Variants in AREL1 observed in about 807,000 individuals in gnomAD.
AREL1 encodes apoptosis resistant E3 ubiquitin protein ligase 1, also known as apoptosis-resistant E3 ubiquitin protein ligase 1.
A neutral mutation model predicts 99.0 loss-of-function variants in AREL1; 62 were observed. The ratio of observed to expected loss-of-function variants is 0.63; its 90% CI spans 0.51 to 0.77. AREL1 has a LOEUF of 0.77. Ranked by LOEUF, AREL1 falls within the 30% of genes least tolerant of loss-of-function variation. The pLI, the probability that AREL1 is intolerant of heterozygous loss-of-function variation, is 0.00. For missense variants in AREL1, 879 were observed against 1,027.6 expected, an observed-to-expected ratio of 0.86 and a Z score of 1.98; for synonymous variants, 380 against 376.5, an observed-to-expected ratio of 1.01 and a Z score of -0.11.
In AREL1 at chr14:74,664,022, G is replaced by C; in HGVS notation, c.2246C>G (p.Ala749Gly). 6.2e-7 allele frequency: 1 copy of C among 1,614,166 alleles called. No individual in the cohort carries two copies. Among genetic ancestry groups the C allele is most frequent in the Non-Finnish European group, 8.5e-7 (1 of 1,180,026 alleles). Reference sequence around the variant, plus strand: ...GCCTGTTGTGAACTGAAGTAGCCGAGCCAACTCCTCCTGGGTCAGACTGGA... The same window carrying C: ...GCCTGTTGTGAACTGAAGTAGCCGACCCAACTCCTCCTGGGTCAGACTGGA... ...VVSSLTQEEL[A>G]RLLQFTTGSS... The change falls in exon 19 of 20, where the codon GCT (alanine) becomes GGT (glycine). Residue 749 changes from alanine to glycine, a missense_variant. Physicochemically the swap from Ala to Gly is moderately conservative, Grantham distance 60. Coordinates refer to ENST00000356357, the MANE Select transcript of AREL1 (RefSeq NM_001039479.2).
intron 18 of AREL1, among the ~76,000 whole-genome samples, chr14:74,664,304 C>T (rs182052265): frequency 2.0e-4 from 31 of 152,292 alleles, no homozygotes; most frequent in Middle Eastern, 3.4e-3. Flanking sequence ...ATTTACTACT[C>T]CTGTGGCAGT....
chr14:74,682,981 A>C (rs530031581), intron 5 of AREL1, among the ~76,000 whole-genome samples: 1 of 152,334 alleles, frequency 6.6e-6, no homozygotes, highest in African/African-American at 2.4e-5. Context: ...TCTTTACAGC[A>C]AGACAAAAGC....
rs746267641 is a variant in AREL1, at chr14:74,684,618, C to T, written c.79G>A (p.Ala27Thr). 13 of 1,614,174 alleles carry T rather than the reference C, an allele frequency of 8.1e-6. No homozygotes were observed. The highest frequency in any genetic ancestry group is 2.2e-5 in the East Asian group (1 of 44,886). ...FTIKFLFELA[A>T]RVVSFLQNED... ...TTCTGGAGGAAGCTGACTACACGTG[C>T]GGCAAGCTCAAAGAGGAACTTAATT... The change falls in exon 4 of 20, where the codon GCA becomes ACA. Residue 27 changes from alanine (A) to threonine (T), a missense_variant. By Grantham distance (58) the Ala-to-Thr change is moderately conservative (BLOSUM62 0). Transcript: ENST00000356357.
intron 1 of AREL1, chr14:74,712,005 T>A (rs1341312498): frequency 8.1e-6 from 1 of 123,866 alleles, no homozygotes; most frequent in East Asian, 2.5e-4. Context: ...CGTTCCCAGC[T>A]TGATCAGTAG....
chr14:74,700,749 C>T (rs1253329122), intron 1 of AREL1, among the ~76,000 whole-genome samples: 1 of 152,192 alleles, frequency 6.6e-6, no homozygotes, highest in Non-Finnish European at 1.5e-5. Flanking sequence ...TACTGCACTC[C>T]AGTCTGGGCG....
chr14:74,669,529 G>A, intron 15 of AREL1, 120 bp downstream of exon 15: 1 of 1,265,568 alleles, frequency 7.9e-7, no homozygotes, highest in Non-Finnish European at 1.1e-6. Flanking sequence ...CACATTTTGG[G>A]TGTTTAATAG....
In AREL1 at chr14:74,675,903, G is replaced by A. The variant is rs35864766; in HGVS notation, c.876C>T (p.Gly292=). 0.017 allele frequency: 27,958 copies of A among 1,612,316 alleles called. 321 individuals carry two copies. The highest frequency in any genetic ancestry group is 0.052 in the Middle Eastern group (317 of 6,052). ...GATAAGCCTCAAAGTAAATGCTCACGCCTGAAGTGGACACATTGCGTTCGA... is the reference window on the plus strand; with the variant it reads ...GATAAGCCTCAAAGTAAATGCTCACACCTGAAGTGGACACATTGCGTTCGA... ...NIVERNVSTS[G]VSIYFEAYLY... The change falls in exon 8 of 20, where the codon GGC becomes GGT. Residue 292 remains glycine, a synonymous_variant. Coordinates refer to ENST00000356357, the MANE Select transcript of AREL1 (RefSeq NM_001039479.2).
chr14:74,692,179 T>C lies in AREL1; in HGVS notation c.-184A>G, dbSNP rs2089896435. On this transcript the variant is annotated 5_prime_UTR_variant, in exon 2 of 20. Coordinates refer to ENST00000356357, the MANE Select transcript of AREL1 (RefSeq NM_001039479.2). ...CCACAAGGTCAACAGAAAGGGTCTATCCATCAGACTTTGTCACAGTAATCA... is the reference window on the plus strand; with the variant it reads ...CCACAAGGTCAACAGAAAGGGTCTACCCATCAGACTTTGTCACAGTAATCA... 1 of 453,636 alleles carries C rather than the reference T, an allele frequency of 2.2e-6. No individual in the cohort carries two copies. The highest frequency in any genetic ancestry group is 1.6e-5 in the South Asian group (1 of 63,736). 28.1% of individuals were successfully genotyped at this position (453,636 alleles called of 1,614,324 possible). A position where few individuals can be genotyped will look rare whatever the true frequency, so the allele number is the denominator to read the frequency against.
intron 1 of AREL1, among the ~76,000 whole-genome samples, chr14:74,694,256 C>T (rs1566698337): frequency 6.6e-6 from 1 of 152,154 alleles, no homozygotes; most frequent in Non-Finnish European, 1.5e-5. Context: ...CAACTGGCTA[C>T]TGGAACCAGC....
At chr14:74,671,287 T>G in intron 12 of AREL1, 121 bp downstream of exon 12, 1 of 421,504 alleles carries the variant, frequency 2.4e-6, no homozygotes, top group Non-Finnish European at 4.1e-6. Context: ...ACCTAGGTTT[T>G]TTTTTTTAGG....
chr14:74,665,946 C>T (rs2089200594), intron 17 of AREL1, among the ~76,000 whole-genome samples: 1 of 152,192 alleles, frequency 6.6e-6, no homozygotes, highest in Admixed American at 6.5e-5. Context: ...CTACTTACTT[C>T]TACAAATTGT....
intron 8 of AREL1, 139 bp downstream of exon 8, chr14:74,675,560 G>T: frequency 1.6e-6 from 2 of 1,232,846 alleles, no homozygotes; most frequent in South Asian, 3.2e-5. Context: ...ATTTTTAACA[G>T]TTGAAAGTGG....
At chr14:74,708,220 T>C (rs2090220868) in intron 1 of AREL1, among the ~76,000 whole-genome samples, 1 of 152,228 alleles carries the variant, frequency 6.6e-6, no homozygotes, top group South Asian at 2.1e-4. Flanking sequence ...TTTTTATAAA[T>C]TTAAAATTAT....
intron 1 of AREL1, among the ~76,000 whole-genome samples, chr14:74,694,116 C>T (rs1205564170): frequency 1.3e-5 from 2 of 152,136 alleles, no homozygotes; most frequent in South Asian, 2.1e-4. Context: ...CAGACGTTGA[C>T]GTGAGCCGAG....
At chr14:74,694,012 AC>A in intron 1 of AREL1, among the ~76,000 whole-genome samples, 1 of 152,134 alleles carries the variant, frequency 6.6e-6, no homozygotes, top group African/African-American at 2.4e-5. Flanking sequence ...CCCCGTCTCT[AC>A]AAAAAATACA....
chr14:74,668,600 C>T (rs1271997583), intron 15 of AREL1, among the ~76,000 whole-genome samples: 3 of 152,064 alleles, frequency 2.0e-5, no homozygotes, highest in East Asian at 3.9e-4. Context: ...GTCCTATTGA[C>T]TCTAGCTGCC....
intron 1 of AREL1, among the ~76,000 whole-genome samples, chr14:74,692,698 T>TTTTTTG (rs1046697079): frequency 6.6e-5 from 10 of 152,172 alleles, no homozygotes; most frequent in African/African-American, 2.2e-4. Context: ...TAGACACAGT[T>TTTTTTG]TTTTTGTTTT....
Position 74,687,014 on chromosome 14 carries a change from C to T in AREL1, c.-45-1354G>A, listed in dbSNP as rs549601828. ...CAACAGCTATCATCTCAAAAATCTGCTACGATCTCTCAAAAAGCATCTGTC... is the reference window on the plus strand; with the variant it reads ...CAACAGCTATCATCTCAAAAATCTGTTACGATCTCTCAAAAAGCATCTGTC... On this transcript the variant is annotated intron_variant, in intron 2 of 19. Coordinates refer to ENST00000356357, the MANE Select transcript of AREL1 (RefSeq NM_001039479.2). Among the ~76,000 whole-genome samples, 3 of 152,272 alleles carry T rather than the reference C, an allele frequency of 2.0e-5. No individual in the cohort carries two copies. In the South Asian group the frequency reaches 6.2e-4, roughly 32 times the overall value.
intron 5 of AREL1, among the ~76,000 whole-genome samples, chr14:74,680,770 C>G (rs920467076): frequency 6.6e-6 from 1 of 152,174 alleles, no homozygotes; most frequent in Non-Finnish European, 1.5e-5. Context: ...TGGGTACCTA[C>G]ATGATACTCA....
Sources: allele counts gnomAD v4.1 joint callset (sites outside exome capture counted in the v4.1 genomes callset), GRCh38; gene constraint gnomAD v4.1.1; transcripts MANE v1.5; gene names NCBI Gene and HGNC (gene_info 2026-07-23, HGNC 2026-07-21).